Variants in MAML3 observed in about 807,000 individuals in gnomAD.
MAML3 encodes mastermind-like protein 3.
A neutral mutation model predicts 101.9 loss-of-function variants in MAML3; 27 were observed. The ratio of observed to expected loss-of-function variants is 0.27; its 90% confidence interval spans 0.20 to 0.37. The LOEUF is 0.37. MAML3 is among the 10% of genes least tolerant of loss of function. The pLI is 1.00. For synonymous variants in MAML3, 501 were observed against 555.9 expected, an observed-to-expected ratio of 0.90 and a Z score of 1.39; for missense variants, 1,316 against 1,444.9, an observed-to-expected ratio of 0.91 and a Z score of 1.45.
chr4:139,820,531 G>C (rs1730956841), intron 2 of MAML3, among the ~76,000 whole-genome samples: 3 of 152,248 alleles, frequency 2.0e-5, no homozygotes, highest in Admixed American at 6.5e-5. Flanking sequence ...TCTTCATTTA[G>C]ATTCAGACTT....
rs548469944 is a variant in MAML3 at position 139,776,171 on chromosome 4, T to C, written c.2080-45504A>G. ...ATTATTTTGTAAATCAACAGTTCTT[T>C]GATGTCAATTGCTGTTAATTTATGG... On this transcript the variant is annotated intron_variant, in intron 2 of 4. Transcript: ENST00000509479. Among the ~76,000 whole-genome samples, 15 of 152,258 alleles carry C rather than the reference T, an allele frequency of 9.9e-5. No individual in the cohort carries two copies. In the South Asian group the frequency reaches 3.1e-3, roughly 31 times the overall value.
At position 140,153,958 on chromosome 4, in the gene MAML3, G is replaced by C. The variant is rs371469911; in HGVS notation, c.-631C>G. On this transcript the variant is annotated 5_prime_UTR_variant, in exon 1 of 5. Transcript: ENST00000509479. ...ACCTAGATATCGAATCCTCGGGCTG[G>C]GGGAAGTAAACACATGGACAGTCCG... is the stretch of plus-strand genomic sequence containing the variant. 3 of 153,568 alleles carry C rather than the reference G, an allele frequency of 2.0e-5. No homozygotes were observed. The highest frequency in any genetic ancestry group is 3.9e-4 in the East Asian group (2 of 5,194). The allele number at this position is 153,568 out of a possible 1,614,324, so 9.5% of individuals were successfully genotyped here. A position where few individuals can be genotyped will look rare whatever the true frequency, so the allele number is the denominator to read the frequency against.
At chr4:139,974,198 C>G (rs1266005708) in intron 1 of MAML3, among the ~76,000 whole-genome samples, 1 of 151,486 alleles carries the variant, frequency 6.6e-6, no homozygotes, top group African/African-American at 2.4e-5. Context: ...CTCCGCCTCC[C>G]GGGTTCACAC....
At chr4:140,064,244 T>C (rs1264109882) in intron 1 of MAML3, among the ~76,000 whole-genome samples, 4 of 152,162 alleles carry the variant, frequency 2.6e-5, no homozygotes, top group Non-Finnish European at 5.9e-5. Context: ...TGTGGAGGTA[T>C]TTCAGGAAAA....
chr4:139,824,953 A>G (rs1395874488), intron 2 of MAML3, among the ~76,000 whole-genome samples: 1 of 151,988 alleles, frequency 6.6e-6, no homozygotes, highest in African/African-American at 2.4e-5. Context: ...CAGAGGGACC[A>G]TGCAGTCTGA....
intron 1 of MAML3, among the ~76,000 whole-genome samples, chr4:139,974,461 A>G (rs1177330397): frequency 6.6e-6 from 1 of 152,156 alleles, no homozygotes; most frequent in Non-Finnish European, 1.5e-5. Context: ...CCACTATTAT[A>G]GGAGATTTTG....
intron 1 of MAML3, among the ~76,000 whole-genome samples, chr4:140,126,488 C>T (rs573291682): frequency 6.6e-6 from 1 of 152,324 alleles, no homozygotes; most frequent in East Asian, 1.9e-4. Flanking sequence ...ACACCACTCT[C>T]CTGGTGCTCC....
chr4:140,118,785 G>A (rs1728555250), intron 1 of MAML3, among the ~76,000 whole-genome samples: 1 of 152,180 alleles, frequency 6.6e-6, no homozygotes, highest in Non-Finnish European at 1.5e-5. Flanking sequence ...GGGAAAGAGA[G>A]CCTAACATTC....
chr4:139,845,541 A>G (rs1032727812), intron 2 of MAML3, among the ~76,000 whole-genome samples: 1 of 152,242 alleles, frequency 6.6e-6, no homozygotes, highest in Admixed American at 6.5e-5. Flanking sequence ...TCATGATTGT[A>G]CTAAGATCTC....
chr4:140,019,836 C>A (rs1376225477), intron 1 of MAML3, among the ~76,000 whole-genome samples: 2 of 152,178 alleles, frequency 1.3e-5, no homozygotes, highest in African/African-American at 4.8e-5. Flanking sequence ...GCCTTTAATA[C>A]AATATTTAGG....
At chr4:140,128,709 G>T (rs1420439286) in intron 1 of MAML3, among the ~76,000 whole-genome samples, 1 of 152,192 alleles carries the variant, frequency 6.6e-6, no homozygotes, top group Non-Finnish European at 1.5e-5. Flanking sequence ...TGGCAATTTG[G>T]GAGGGAAACA....
At chr4:139,873,521 T>G (rs1294127696) in intron 2 of MAML3, among the ~76,000 whole-genome samples, 1 of 152,236 alleles carries the variant, frequency 6.6e-6, no homozygotes, top group African/African-American at 2.4e-5. Context: ...ACTTAAATTA[T>G]TTTGCTTCTA....
At chr4:139,828,809 G>T (rs1008827903) in intron 2 of MAML3, among the ~76,000 whole-genome samples, 5 of 151,436 alleles carry the variant, frequency 3.3e-5, no homozygotes, top group African/African-American at 1.2e-4. Context: ...TGACTTCAAG[G>T]GTTGGTTAGG....
chr4:140,083,406 G>A (rs1727894775), intron 1 of MAML3, among the ~76,000 whole-genome samples: 1 of 152,206 alleles, frequency 6.6e-6, no homozygotes, highest in African/African-American at 2.4e-5. Flanking sequence ...CCATTCCAAT[G>A]CACAGTCACC....
chr4:139,852,359 G>A (rs942342722), intron 2 of MAML3, among the ~76,000 whole-genome samples: 16 of 150,030 alleles, frequency 1.1e-4, no homozygotes, highest in Non-Finnish European at 1.9e-4. Context: ...ACCTATTGTC[G>A]GTAACTTTCT....
At position 139,890,866 on chromosome 4, in the gene MAML3, T is replaced by A; in HGVS notation, c.570A>T (p.Lys190Asn). 6.2e-7 allele frequency: 1 copy of A among 1,613,832 alleles called. No individual in the cohort carries two copies. The highest frequency in any genetic ancestry group is 8.5e-7 in the Non-Finnish European group (1 of 1,179,812). The change falls in exon 2 of 5, where the codon AAA becomes AAT. Residue 190 changes from lysine (K) to asparagine (N), a missense_variant. Physicochemically the swap from Lys to Asn is moderately conservative, Grantham distance 94 (BLOSUM62 0). Coordinates refer to ENST00000509479, the MANE Select transcript of MAML3 (RefSeq NM_018717.5). This position sits in a 1 kb window ranked among gnomAD's most constrained non-coding sequence, Gnocchi z 4.1. ...CCGCAGAAATGTCCTTTCGAATTCG[T>A]TTGCTAGTCGGAGAAAAATTCCCAT... ...ACDGNFSPTSKRIRKDISAGM... is the reference protein window; with the variant it reads ...ACDGNFSPTSNRIRKDISAGM...
chr4:139,761,796 A>T (rs1729765029), intron 2 of MAML3, among the ~76,000 whole-genome samples: 1 of 152,178 alleles, frequency 6.6e-6, no homozygotes. Flanking sequence ...AAGAAGCTCA[A>T]CTAACCCAGC....
chr4:139,910,634 G>A (rs1732899665), intron 1 of MAML3, among the ~76,000 whole-genome samples: 1 of 152,268 alleles, frequency 6.6e-6, no homozygotes, highest in East Asian at 1.9e-4. Context: ...GAACAAGAAT[G>A]GAGATATTAG....
intron 1 of MAML3, among the ~76,000 whole-genome samples, chr4:140,132,867 C>T (rs1689173951): frequency 6.6e-6 from 1 of 152,214 alleles, no homozygotes; most frequent in Non-Finnish European, 1.5e-5. Context: ...TACCCTCCCC[C>T]TTCCTTTCAA....
Sources: allele counts gnomAD v4.1 joint callset (sites outside exome capture counted in the v4.1 genomes callset), GRCh38; gene constraint gnomAD v4.1.1; non-coding constraint Gnocchi (gnomAD v3.1); transcripts MANE v1.5; gene names NCBI Gene and HGNC (gene_info 2026-07-23, HGNC 2026-07-21).